Variants in TTN observed in about 807,000 individuals in gnomAD.
TTN encodes connectin.
Under a neutral mutation model 3,223.0 loss-of-function variants are expected in TTN, and 1,525 were observed. The observed-to-expected ratio is 0.47, with a 90% CI of 0.45 to 0.49. The LOEUF is 0.49. TTN is among the 20% of genes least tolerant of loss of function. The probability of loss-of-function intolerance (pLI) is 0.00; values close to 1 mark genes in which losing one functional copy is unlikely to be tolerated. For missense variants in TTN, 40,786 were observed against 43,424.0 expected, an observed-to-expected ratio of 0.94 and a Z score of 5.40; for synonymous variants, 14,094 against 15,161.0, an observed-to-expected ratio of 0.93 and a Z score of 5.17.
chr2:178,587,601 A>G lies in TTN; in HGVS notation c.63708T>C (p.Ser21236=). 2 of 1,612,658 alleles carry G rather than the reference A, an allele frequency of 1.2e-6. No homozygotes were observed. The highest frequency in any genetic ancestry group is 1.7e-6 in the Non-Finnish European group (2 of 1,179,348). ...AATATTTTCCTGAGTCATCACGGGTAGAATTGGGGATGACAAGGAAGGCCA... is the reference window on the plus strand; with the variant it reads ...AATATTTTCCTGAGTCATCACGGGTGGAATTGGGGATGACAAGGAAGGCCA... ...DTMAFLVIPN[S]TRDDSGKYSL... is the part of the protein sequence containing the mutation. Residue 21236 remains serine, a synonymous_variant, in exon 306 of 363, where the codon TCT becomes TCC. Coordinates refer to ENST00000589042, the MANE Select transcript of TTN (RefSeq NM_001267550.2).
At chr2:178,682,522 A>T (rs1353918145) in intron 135 of TTN, among the ~76,000 whole-genome samples, 175 bp downstream of exon 135, 2 of 152,052 alleles carry the variant, frequency 1.3e-5, no homozygotes, top group Non-Finnish European at 2.9e-5. Context: ...AGGGTTTTTA[A>T]AATTTTTTCT....
chr2:178,774,123 G>C lies in TTN; in HGVS notation c.7058-13C>G, dbSNP rs755532614. 2 of 1,614,014 alleles carry C rather than the reference G, an allele frequency of 1.2e-6. No homozygotes were observed. The highest frequency in any genetic ancestry group is 1.7e-6 in the Non-Finnish European group (2 of 1,179,966). ...GCAATGGGGCGGGCTGTGAAATATG[G>C]GGAGAAAAAGAATGTTATGATCATT... On this transcript the variant is annotated splice_polypyrimidine_tract_variant and intron_variant, in intron 30 of 362. Transcript: ENST00000589042.
At chr2:178,774,556 T>A in intron 29 of TTN, 83 bp from the exon 30 acceptor site, 2 of 1,354,072 alleles carry the variant, frequency 1.5e-6, no homozygotes, top group Non-Finnish European at 2.1e-6. Context: ...GTCTTGTATG[T>A]CTTTTATCTC....
Position 178,575,119 on chromosome 2 carries a change from G to T in TTN, c.71013C>A (p.Asp23671Glu). ...PKPTVTWKKG[D>E]QILKQTQRVN... is the part of the protein sequence containing the mutation. Reference sequence around the variant, plus strand: ...CTCTCTGTGTCTGTTTAAGAATTTGGTCTCCTTTTTTCCATGTCACTGTGG... The same window carrying T: ...CTCTCTGTGTCTGTTTAAGAATTTGTTCTCCTTTTTTCCATGTCACTGTGG... The change falls in exon 326 of 363, where the codon GAC (aspartate) becomes GAA (glutamate). Residue 23671 changes from aspartate (D) to glutamate (E), a missense_variant. By Grantham distance (45) the Asp-to-Glu change is conservative. Coordinates refer to ENST00000589042, the MANE Select transcript of TTN (RefSeq NM_001267550.2). The surrounding 1 kb of genome is among the most constrained non-coding windows in gnomAD (Gnocchi z 4.0). 1 of 1,612,950 alleles carries T rather than the reference G, an allele frequency of 6.2e-7. No homozygotes were observed. Among genetic ancestry groups the T allele is most frequent in the Non-Finnish European group, 8.5e-7 (1 of 1,179,430 alleles).
Position 178,713,126 on chromosome 2 carries a change from A to G in TTN, c.27008T>C (p.Met9003Thr), listed in dbSNP as rs2076906083. ...SGDYTCIATN[M>T]AGSDECSAPL... Reference sequence around the variant, plus strand: ...AGCACTACATTCATCAGAACCAGCCATATTAGTAGCTATACATGTGTAGTC... The same window carrying G: ...AGCACTACATTCATCAGAACCAGCCGTATTAGTAGCTATACATGTGTAGTC... Residue 9003 changes from methionine (M) to threonine (T), a missense_variant, in exon 93 of 363, where the codon ATG becomes ACG. Physicochemically the swap from Met to Thr is moderately conservative, Grantham distance 81 (BLOSUM62 -1). Coordinates refer to ENST00000589042, the MANE Select transcript of TTN (RefSeq NM_001267550.2). The G allele has an allele frequency of 4.3e-6, 7 of 1,613,772 alleles. No individual in the cohort carries two copies. Among genetic ancestry groups the G allele is most frequent in the African/African-American group, 4.0e-5 (3 of 75,052 alleles).
chr2:178,730,844 G>A, intron 60 of TTN, 52 bp from the exon 61 acceptor site: 1 of 1,523,672 alleles, frequency 6.6e-7, no homozygotes, highest in African/African-American at 1.4e-5. Flanking sequence ...CTACTAATTT[G>A]TTTTTGTTTT....
Position 178,779,090 on chromosome 2 carries a change from A to G in TTN, c.3992T>C (p.Ile1331Thr), listed in dbSNP as rs2092527820. The G allele has an allele frequency of 6.2e-7, 1 of 1,613,930 alleles. No individual in the cohort carries two copies. The change falls in exon 24 of 363, where the codon ATC becomes ACC. Residue 1331 changes from isoleucine to threonine, a missense_variant. Coordinates refer to ENST00000589042, the MANE Select transcript of TTN (RefSeq NM_001267550.2). ...CATTTGGTATCTTTCTCCATGTTTG[A>G]TGCGCTTGCCATCTTTGTACCAAGC... ...KIAWYKDGKR[I>T]KHGERYQMDF...
chr2:178,745,359 C>T (rs2083292124), intron 47 of TTN: 1 of 1,393,202 alleles, frequency 7.2e-7, no homozygotes, highest in East Asian at 2.7e-5. Flanking sequence ...TGATATTACA[C>T]AGCATGATTG....
At position 178,632,369 on chromosome 2, in the gene TTN, T is replaced by G. The variant is rs2059909024; in HGVS notation, c.43525A>C (p.Lys14509Gln). 4 of 1,602,868 alleles carry G rather than the reference T, an allele frequency of 2.5e-6. No individual in the cohort carries two copies. The highest frequency in any genetic ancestry group is 3.4e-6 in the Non-Finnish European group (4 of 1,174,632). The change falls in exon 236 of 363, where the codon AAA (lysine) becomes CAA (glutamine). Residue 14509 changes from lysine to glutamine, a missense_variant. Physicochemically the swap from Lys to Gln is moderately conservative, Grantham distance 53. Coordinates refer to ENST00000589042, the MANE Select transcript of TTN (RefSeq NM_001267550.2). ...GTAAATACAGCACTTTCCTTCTCTT[T>G]GGCAGTTACATCTTTGAGAGGGGTG... Reference protein sequence around the residue: ...FLTPLKDVTAKEKESAVFTVE... With the variant: ...FLTPLKDVTAQEKESAVFTVE...
rs2154165199 is a variant in TTN, at chr2:178,565,929, T to TACTCACATTAGCATACGCTTTTCTGGTTG, written c.80174_80202dup (p.Ser26735GlnfsTer9). On this transcript the variant is annotated stop_gained and frameshift_variant, in exon 326 of 363. Coordinates refer to ENST00000589042, the MANE Select transcript of TTN (RefSeq NM_001267550.2). LOFTEE classifies it high-confidence loss of function. Reference sequence around the variant, plus strand: ...TTAAAACTTGTTTTGCTGCATTTACTACTCACATTAGCATACGCTTTTCTG... The same window carrying TACTCACATTAGCATACGCTTTTCTGGTTG: ...TTAAAACTTGTTTTGCTGCATTTACTACTCACATTAGCATACGCTTTTCTGGTTGACTCACATTAGCATACGCTTTTCTG... 1.9e-6 allele frequency: 3 copies of TACTCACATTAGCATACGCTTTTCTGGTTG among 1,613,678 alleles called. No homozygotes were observed. The highest frequency in any genetic ancestry group is 2.5e-6 in the Non-Finnish European group (3 of 1,179,668).
rs546667760 is a variant in TTN at position 178,770,060 on chromosome 2, T to C, written c.8641A>G (p.Thr2881Ala). 12 of 1,614,036 alleles carry C rather than the reference T, an allele frequency of 7.4e-6. No individual in the cohort carries two copies. The South Asian group carries it at 1.1e-4, about 15-fold the overall frequency. Residue 2881 changes from threonine (T) to alanine (A), a missense_variant and splice_region_variant, in exon 36 of 363, where the codon ACA becomes GCA. Physicochemically the swap from Thr to Ala is moderately conservative, Grantham distance 58 (BLOSUM62 0). Coordinates refer to ENST00000589042, the MANE Select transcript of TTN (RefSeq NM_001267550.2). ...CTGTAGGGGGCTGCCTGATACTTAC[T>C]CTCCACAAACAGTTTTGCTTTGCAT... The part of the protein sequence containing the change: ...LECKAKLFVE[T>A]LHITKTMKNI...
At chr2:178,595,947 C>T in intron 294 of TTN, 138 bp from the exon 295 acceptor site, 1 of 770,876 alleles carries the variant, frequency 1.3e-6, no homozygotes, top group Non-Finnish European at 2.0e-6. Context: ...GTTAGTTTTT[C>T]CTTCTGCTAT....
At chr2:178,696,317 C>A in intron 113 of TTN, 48 bp from the exon 114 acceptor site, 1 of 1,412,854 alleles carries the variant, frequency 7.1e-7, no homozygotes, top group East Asian at 2.5e-5. Context: ...ATCCATCCAA[C>A]TGCTTCACTA....
chr2:178,605,588 G>A lies in TTN; in HGVS notation c.53707C>T (p.Arg17903Cys), dbSNP rs1016726284. 16 of 1,612,002 alleles carry A rather than the reference G, an allele frequency of 9.9e-6. No individual in the cohort carries two copies. The highest frequency in any genetic ancestry group is 4.5e-5 in the East Asian group (2 of 44,754). The change falls in exon 279 of 363, where the codon CGT (arginine) becomes TGT (cysteine). Residue 17903 changes from arginine (R) to cysteine (C), a missense_variant. By Grantham distance (180) the Arg-to-Cys change is radical (BLOSUM62 -3). Transcript: ENST00000589042. ...PIQGYIIEKR[R>C]HDKPDFERVN... is the part of the protein sequence containing the mutation. The stretch of plus-strand genomic sequence containing the variant: ...CTTTCAAAGTCAGGTTTGTCATGAC[G>A]CCGTTTTTCAATGATATATCCTTGG...
chr2:178,555,845 G>A (rs1002914633), intron 330 of TTN: 3 of 152,206 alleles, frequency 2.0e-5, no homozygotes, highest in African/African-American at 7.2e-5. Flanking sequence ...AGTGTCACAG[G>A]ATACCTGACT....
At chr2:178,722,609 T>C in intron 76 of TTN, 50 bp downstream of exon 76, 1 of 1,593,140 alleles carries the variant, frequency 6.3e-7, no homozygotes, top group Non-Finnish European at 8.5e-7. Flanking sequence ...ACCATAAAGA[T>C]ACAAGAGTTA....
chr2:178,674,606 T>A (rs1373633661), intron 150 of TTN, among the ~76,000 whole-genome samples, 197 bp from the exon 151 acceptor site: 1 of 151,390 alleles, frequency 6.6e-6, no homozygotes, highest in Admixed American at 6.6e-5. Flanking sequence ...TCAGATAATT[T>A]ATAATAATAA....
Position 178,625,145 on chromosome 2 carries a change from A to G in TTN, c.44548+128T>C. 6 of 1,332,262 alleles carry G rather than the reference A, an allele frequency of 4.5e-6. 1 individual carries two copies. The South Asian group carries it at 8.7e-5, about 19-fold the overall frequency. 82.5% of individuals were successfully genotyped at this position (1,332,262 alleles called of 1,614,324 possible). ...ATTATTTTGTTATGCTAAAAAGTAAAATCAGACTTTTGATTATTTGGTTGA... is the reference window on the plus strand; with the variant it reads ...ATTATTTTGTTATGCTAAAAAGTAAGATCAGACTTTTGATTATTTGGTTGA... On this transcript the variant is annotated intron_variant, in intron 241 of 362. Coordinates refer to ENST00000589042, the MANE Select transcript of TTN (RefSeq NM_001267550.2).
chr2:178,716,379 A>G (rs1327766514), intron 88 of TTN, among the ~76,000 whole-genome samples: 1 of 152,292 alleles, frequency 6.6e-6, no homozygotes, highest in East Asian at 1.9e-4. Flanking sequence ...AGTAAAAGTG[A>G]TTAGCTATAT....
Sources: gnomAD v4.1 joint callset for allele counts (sites outside exome capture counted in the v4.1 genomes callset) on GRCh38, gnomAD v4.1.1 for gene constraint, Gnocchi (gnomAD v3.1) non-coding constraint, MANE v1.5 for transcripts, NCBI Gene and HGNC (gene_info 2026-07-23, HGNC 2026-07-21) for gene names.